The following CDH13 variants were observed in gnomAD, a reference collection of about 807,000 sequenced individuals.
The protein encoded by CDH13 is cadherin-13.
In CDH13, 24 loss-of-function variants were observed where a neutral mutation model predicts 63.8. The observed-to-expected ratio is 0.38, with a 90% CI of 0.27 to 0.53. The LOEUF is 0.53. Among genes scored for constraint, CDH13 ranks in the 20% least tolerant of loss-of-function variants. The probability of loss-of-function intolerance (pLI) is 0.85; values close to 1 mark genes in which losing one functional copy is unlikely to be tolerated. For missense variants in CDH13, 1,049 were observed against 903.1 expected, an observed-to-expected ratio of 1.16 and a Z score of -2.07; for synonymous variants, 503 against 355.3, an observed-to-expected ratio of 1.42 and a Z score of -4.67.
At chr16:83,208,463 CA>C (rs2039243809) in intron 4 of CDH13, among the ~76,000 whole-genome samples, 1 of 151,230 alleles carries the variant, frequency 6.6e-6, no homozygotes, top group African/African-American at 2.5e-5. Context: ...TAGGTAAAGG[CA>C]ACAGTGTTTT....
At chr16:83,615,579 A>T (rs1433319662) in intron 8 of CDH13, among the ~76,000 whole-genome samples, 2 of 152,152 alleles carry the variant, frequency 1.3e-5, no homozygotes, top group Non-Finnish European at 2.9e-5. Context: ...GTTTTAAATC[A>T]ACCCAACTAT....
At chr16:82,761,532 G>T (rs74645033) in intron 1 of CDH13, among the ~76,000 whole-genome samples, 1 of 152,272 alleles carries the variant, frequency 6.6e-6, no homozygotes, top group East Asian at 1.9e-4. Context: ...AATTATTTGG[G>T]ATCAGTTGGT....
At chr16:83,105,944 T>G (rs1424204634) in intron 3 of CDH13, among the ~76,000 whole-genome samples, 2 of 152,192 alleles carry the variant, frequency 1.3e-5, no homozygotes, top group Non-Finnish European at 2.9e-5. Context: ...TGTGGCATGT[T>G]TGGGCAACAC....
chr16:83,424,999 T>C (rs1302238519), intron 6 of CDH13, among the ~76,000 whole-genome samples: 2 of 152,232 alleles, frequency 1.3e-5, no homozygotes, highest in Non-Finnish European at 2.9e-5. Flanking sequence ...GTTGCCATAG[T>C]AATGGGAAAT....
chr16:83,015,878 G>C (rs746422447), intron 2 of CDH13, among the ~76,000 whole-genome samples: 5 of 151,450 alleles, frequency 3.3e-5, no homozygotes, highest in Non-Finnish European at 7.4e-5. Flanking sequence ...TGCCACTTGT[G>C]ATGGAAAGCT....
chr16:83,189,140 G>T (rs1160697054), intron 4 of CDH13, among the ~76,000 whole-genome samples: 1 of 151,758 alleles, frequency 6.6e-6, no homozygotes, highest in African/African-American at 2.4e-5. Flanking sequence ...GATAGATAAG[G>T]CAAAAGCGGT....
chr16:82,767,935 A>G (rs921506535), intron 1 of CDH13, among the ~76,000 whole-genome samples: 1 of 152,222 alleles, frequency 6.6e-6, no homozygotes, highest in Non-Finnish European at 1.5e-5. Flanking sequence ...GAGTGGATCT[A>G]GAGTGACCAT....
At chr16:83,142,772 A>G (rs190619826) in intron 4 of CDH13, among the ~76,000 whole-genome samples, 1 of 152,158 alleles carries the variant, frequency 6.6e-6, no homozygotes, top group African/African-American at 2.4e-5. Context: ...GAATGGTCAA[A>G]AAAGGCCAAC....
intron 4 of CDH13, among the ~76,000 whole-genome samples, chr16:83,188,106 C>G (rs551847966): frequency 2.6e-5 from 4 of 152,324 alleles, no homozygotes; most frequent in Non-Finnish European, 5.9e-5. Flanking sequence ...TGGAGCCCAC[C>G]ATGAGGACTT....
At chr16:83,693,832 T>G (rs1164280713) in intron 10 of CDH13, among the ~76,000 whole-genome samples, 1 of 152,248 alleles carries the variant, frequency 6.6e-6, no homozygotes, top group Admixed American at 6.5e-5. Context: ...ATCAGTATTT[T>G]AAGATGCTCT....
intron 6 of CDH13, among the ~76,000 whole-genome samples, chr16:83,450,542 CG>C (rs2072858562): frequency 6.6e-6 from 1 of 151,868 alleles, no homozygotes; most frequent in Admixed American, 6.6e-5. Flanking sequence ...TTAAATCGAA[CG>C]GAAAAAAATG....
At chr16:82,939,131 A>G (rs1555545495) in intron 2 of CDH13, among the ~76,000 whole-genome samples, 1 of 152,204 alleles carries the variant, frequency 6.6e-6, no homozygotes, top group Non-Finnish European at 1.5e-5. Context: ...ATTAGAAAGC[A>G]GTGGTCACAA....
At chr16:83,596,036 AGTTGC>A (rs1907222093) in intron 7 of CDH13, among the ~76,000 whole-genome samples, 1 of 152,198 alleles carries the variant, frequency 6.6e-6, no homozygotes, top group East Asian at 1.9e-4. Context: ...AGCTGTTTGG[AGTTGC>A]AGTTGATTAC....
intron 5 of CDH13, among the ~76,000 whole-genome samples, chr16:83,331,623 C>A (rs1011272881): frequency 1.3e-5 from 2 of 152,106 alleles, no homozygotes; most frequent in African/African-American, 4.8e-5. Context: ...GAAAGTATAG[C>A]AAAGCAAAGA....
chr16:83,032,419 G>C (rs1357350213), intron 3 of CDH13: 1 of 570,424 alleles, frequency 1.8e-6, no homozygotes, highest in African/African-American at 1.9e-5. Flanking sequence ...TTGAGGCATA[G>C]TTCGTGGATT....
chr16:83,273,259 T>C (rs937302967), intron 5 of CDH13, among the ~76,000 whole-genome samples: 3 of 152,172 alleles, frequency 2.0e-5, no homozygotes, highest in Non-Finnish European at 4.4e-5. Context: ...AGAGGTTTGG[T>C]GTACAGACGA....
Position 83,184,186 on chromosome 16 carries a change from A to G in CDH13, c.484-33159A>G, listed in dbSNP as rs553536758. ...TCAGAACAATGAATAGCTGTTTCCAAATCTGGCTTGAATATATTTTGTAGT... is the reference window on the plus strand; with the variant it reads ...TCAGAACAATGAATAGCTGTTTCCAGATCTGGCTTGAATATATTTTGTAGT... On this transcript the variant is annotated intron_variant, in intron 4 of 13. Coordinates refer to ENST00000567109, the MANE Select transcript of CDH13 (RefSeq NM_001257.5). 1.6e-4 allele frequency among the ~76,000 whole-genome samples: 25 copies of G among 151,794 alleles called. No homozygotes were observed. The East Asian group carries it at 4.6e-3, about 28-fold the overall frequency.
At chr16:83,215,487 A>C (rs1008673971) in intron 4 of CDH13, among the ~76,000 whole-genome samples, 2 of 98,490 alleles carry the variant, frequency 2.0e-5, no homozygotes, top group Non-Finnish European at 4.3e-5. Context: ...TTAATAAACA[A>C]CATTTTTTAA....
chr16:83,490,048 C>CTCACACAG (rs1555559685), intron 7 of CDH13, among the ~76,000 whole-genome samples: 32 of 150,274 alleles, frequency 2.1e-4, no homozygotes, highest in African/African-American at 7.9e-4. Context: ...CACACACACA[C>CTCACACAG]AGCTCACCAG....
Sources: allele counts gnomAD v4.1 joint callset (sites outside exome capture counted in the v4.1 genomes callset), GRCh38; gene constraint gnomAD v4.1.1; transcripts MANE v1.5; gene names NCBI Gene and HGNC (gene_info 2026-07-23, HGNC 2026-07-21).